EML5: variants seen among roughly 807,000 people sequenced by gnomAD.
EML5 encodes EMAP like 5.
A neutral mutation model predicts 250.0 loss-of-function variants in EML5; 120 were observed. The ratio of observed to expected loss-of-function variants is 0.48; its 90% CI spans 0.41 to 0.56. The LOEUF (loss-of-function observed/expected upper bound fraction) is 0.56. Among genes scored for constraint, EML5 ranks in the 20% least tolerant of loss-of-function variants. EML5 has a pLI of 0.00. For synonymous variants in EML5, 771 were observed against 806.5 expected (o/e 0.96, Z 0.75); for missense variants, 2,006 against 2,437.6 (o/e 0.82, Z 3.73).
At chr14:88,767,211 T>C (rs1357812277) in intron 1 of EML5, among the ~76,000 whole-genome samples, 1 of 152,174 alleles carries the variant, frequency 6.6e-6, no homozygotes, top group Non-Finnish European at 1.5e-5. Flanking sequence ...CCAATGTTAG[T>C]TCAGTTTTAA....
chr14:88,780,043 C>T (rs7149465), intron 1 of EML5, among the ~76,000 whole-genome samples: 25,739 of 151,952 alleles, frequency 0.17, 2,864 homozygotes, highest in African/African-American at 0.31. Flanking sequence ...CCTCCACCTC[C>T]CAGGTTCAAG....
intron 2 of EML5, among the ~76,000 whole-genome samples, chr14:88,746,655 A>G (rs140906242): frequency 6.6e-6 from 1 of 152,278 alleles, no homozygotes; most frequent in Non-Finnish European, 1.5e-5. Flanking sequence ...GAGGATGAGA[A>G]AACACCTACA....
At chr14:88,754,761 G>A in intron 1 of EML5, 90 bp from the exon 2 acceptor site, 1 of 1,052,462 alleles carries the variant, frequency 9.5e-7, no homozygotes, top group South Asian at 1.5e-5. Context: ...ACATATACCA[G>A]TGTGAACATT....
intron 2 of EML5, among the ~76,000 whole-genome samples, chr14:88,750,215 AG>A (rs2094071576): frequency 6.6e-6 from 1 of 152,178 alleles, no homozygotes; most frequent in Non-Finnish European, 1.5e-5. Flanking sequence ...TCTTACTAGC[AG>A]GGTGACTTTG....
chr14:88,671,919 A>G (rs897403084), intron 21 of EML5, among the ~76,000 whole-genome samples: 3 of 152,186 alleles, frequency 2.0e-5, no homozygotes, highest in African/African-American at 7.2e-5. Context: ...TTAGAGACCT[A>G]CGAAGAGACA....
At chr14:88,766,655 A>G (rs558185948) in intron 1 of EML5, among the ~76,000 whole-genome samples, 30 of 152,152 alleles carry the variant, frequency 2.0e-4, no homozygotes, top group African/African-American at 7.0e-4. Flanking sequence ...TTGCCTTCTG[A>G]TATTTTATTA....
chr14:88,670,806 G>A (rs1190126156), intron 21 of EML5, among the ~76,000 whole-genome samples: 1 of 151,794 alleles, frequency 6.6e-6, no homozygotes, highest in African/African-American at 2.4e-5. Flanking sequence ...ACCAAGCACA[G>A]GGAAGAATTT....
chr14:88,642,739 C>G (rs1035852564), intron 31 of EML5, among the ~76,000 whole-genome samples, 154 bp downstream of exon 31: 1 of 152,094 alleles, frequency 6.6e-6, no homozygotes, highest in Non-Finnish European at 1.5e-5. Flanking sequence ...TGAAATATTA[C>G]TAGAAAGTTC....
chr14:88,614,778 A>G lies in EML5; in HGVS notation c.*1040T>C, dbSNP rs1265674932. The G allele has an allele frequency of 2.0e-5, 3 of 152,210 alleles. No individual in the cohort carries two copies. The East Asian group carries it at 5.8e-4, about 29-fold the overall frequency. The allele number at this position is 152,210 out of a possible 1,614,324, so 9.4% of individuals were successfully genotyped here. A position where few individuals can be genotyped will look rare whatever the true frequency, so the allele number is the denominator to read the frequency against. ...CTAATCCACTAAAAAAAGGAATTCT[A>G]ACTGACAAGTTTTTACAAATGGAGT... On this transcript the variant is annotated 3_prime_UTR_variant, in exon 44 of 44. Coordinates refer to ENST00000554922, the MANE Select transcript of EML5 (RefSeq NM_183387.3).
intron 8 of EML5, among the ~76,000 whole-genome samples, chr14:88,724,464 T>C (rs1168544663): frequency 6.6e-6 from 1 of 151,934 alleles, no homozygotes. Context: ...TCAATACTAT[T>C]AGCAATGTTG....
chr14:88,702,971 T>C (rs1181727819), intron 13 of EML5, among the ~76,000 whole-genome samples: 1 of 152,030 alleles, frequency 6.6e-6, no homozygotes, highest in East Asian at 1.9e-4. Context: ...CCCAGGCTGG[T>C]CTCAAACTCC....
chr14:88,621,355 T>C (rs2088884069), intron 37 of EML5, 54 bp from the exon 38 acceptor site: 1 of 1,600,904 alleles, frequency 6.2e-7, no homozygotes, highest in Non-Finnish European at 8.5e-7. Flanking sequence ...CTGCTTTTCT[T>C]CTTCATAATA....
intron 33 of EML5, among the ~76,000 whole-genome samples, chr14:88,634,192 C>T (rs1372092440): frequency 6.6e-6 from 1 of 152,016 alleles, no homozygotes; most frequent in Non-Finnish European, 1.5e-5. Context: ...CGTGTAGTAC[C>T]TCCCCTTTCT....
chr14:88,632,999 T>A lies in EML5; in HGVS notation c.4357+1470A>T, dbSNP rs139048045. On this transcript the variant is annotated intron_variant, in intron 33 of 43. Transcript: ENST00000554922. Reference sequence around the variant, plus strand: ...GATGCTCCGGATTCCACCTCATATGTCTTTTCCCTTTTCTGTTCAATGTAA... The same window carrying A: ...GATGCTCCGGATTCCACCTCATATGACTTTTCCCTTTTCTGTTCAATGTAA... Among the ~76,000 whole-genome samples the A allele has an allele frequency of 5.0e-4, 76 of 152,270 alleles. 1 individual carries two copies. The East Asian group carries it at 0.013, about 27-fold the overall frequency.
intron 1 of EML5, among the ~76,000 whole-genome samples, chr14:88,769,990 T>G (rs988648125): frequency 2.6e-5 from 4 of 151,750 alleles, no homozygotes; most frequent in Non-Finnish European, 5.9e-5. Context: ...TTGGTCTTTA[T>G]CCTTACAGTT....
At chr14:88,640,480 A>T (rs375270780) in intron 31 of EML5, among the ~76,000 whole-genome samples, 1 of 152,194 alleles carries the variant, frequency 6.6e-6, no homozygotes, top group African/African-American at 2.4e-5. Flanking sequence ...TAAGGCAAAA[A>T]TTTAAAAAAA....
chr14:88,644,373 G>A, intron 30 of EML5, 60 bp downstream of exon 30: 4 of 1,507,834 alleles, frequency 2.7e-6, no homozygotes, highest in Middle Eastern at 1.7e-4. Context: ...AAACTTGGGT[G>A]TTTTATAAAA....
In EML5 at chr14:88,615,465, T is replaced by A. The variant is rs1306239902; in HGVS notation, c.*353A>T. ...CATTTTGCTAAAAAGATAATGAAAA[T>A]TATCCAAATTGGGTTTTTGAGTTCT... On this transcript the variant is annotated 3_prime_UTR_variant, in exon 44 of 44. Coordinates refer to ENST00000554922, the MANE Select transcript of EML5 (RefSeq NM_183387.3). 1 of 209,898 alleles carries A rather than the reference T, an allele frequency of 4.8e-6. No homozygotes were observed. The highest frequency in any genetic ancestry group is 9.4e-6 in the Non-Finnish European group (1 of 106,236). The allele number at this position is 209,898 out of a possible 1,614,324, so 13.0% of individuals were successfully genotyped here.
chr14:88,754,791 CA>C, intron 1 of EML5, 120 bp from the exon 2 acceptor site: 7 of 904,098 alleles, frequency 7.7e-6, no homozygotes, highest in Non-Finnish European at 1.2e-5. Context: ...CCACTTTAGA[CA>C]ATTTGGATTT....
Sources: gnomAD v4.1 joint callset for allele counts (sites outside exome capture counted in the v4.1 genomes callset) on GRCh38, gnomAD v4.1.1 for gene constraint, MANE v1.5 for transcripts, NCBI Gene and HGNC (gene_info 2026-07-23, HGNC 2026-07-21) for gene names.